The following BIN1 variants were observed in gnomAD, a reference collection of about 807,000 sequenced individuals.
BIN1 encodes bridging integrator 1, also known as myc box-dependent-interacting protein 1.
In BIN1, 53 loss-of-function variants were observed where a neutral mutation model predicts 82.0. The observed-to-expected ratio is 0.65, with a 90% CI of 0.52 to 0.81. The LOEUF is 0.81. Among genes scored for constraint, BIN1 ranks in the 40% least tolerant of loss-of-function variants. The pLI is 0.00. For synonymous variants in BIN1, 302 were observed against 328.0 expected, an observed-to-expected ratio of 0.92 and a Z score of 0.86; for missense variants, 642 against 784.4, an observed-to-expected ratio of 0.82 and a Z score of 2.17.
At chr2:127,062,407 C>T (rs1257113823) in intron 9 of BIN1, among the ~76,000 whole-genome samples, 3 of 152,236 alleles carry the variant, frequency 2.0e-5, no homozygotes, top group African/African-American at 7.2e-5. Context: ...ATCACTAATG[C>T]CTGCTGTCTC....
chr2:127,079,369 T>G (rs1335396303), intron 1 of BIN1, among the ~76,000 whole-genome samples: 3 of 152,196 alleles, frequency 2.0e-5, no homozygotes, highest in Admixed American at 2.0e-4. Context: ...ACCTGGCCCA[T>G]GATATTCAAG....
intron 1 of BIN1, among the ~76,000 whole-genome samples, chr2:127,098,852 A>T (rs1194014820): frequency 6.6e-6 from 1 of 152,228 alleles, no homozygotes; most frequent in Non-Finnish European, 1.5e-5. Flanking sequence ...ATCTGGCCTA[A>T]AATCAGGCAG....
intron 1 of BIN1, among the ~76,000 whole-genome samples, chr2:127,102,318 G>A (rs1480850518): frequency 6.6e-6 from 1 of 152,204 alleles, no homozygotes; most frequent in Non-Finnish European, 1.5e-5. Context: ...TCAGATGCCA[G>A]TGAGAAGGGA....
Position 127,078,377 on chromosome 2 carries a change from T to C in BIN1, c.85-1671A>G, listed in dbSNP as rs147255528. ...CTGGGGGTAGAGATCTCTTCTAGCC[T>C]GGGCAGTCAGTGAGACTTCCTGGAG... On this transcript the variant is annotated intron_variant, in intron 1 of 18. Transcript: ENST00000316724. Among the ~76,000 whole-genome samples, 930 of 152,308 alleles carry C rather than the reference T, an allele frequency of 6.1e-3. 7 individuals are homozygous for C. Among genetic ancestry groups the C allele is most frequent in the South Asian group, 0.026 (126 of 4,820 alleles).
At position 127,068,429 on chromosome 2, in the gene BIN1, AG is replaced by A. The variant is rs1312447715; in HGVS notation, c.520-175del. ...TAGGGGGAGCCCGGGGGGTAAGGAA[AG>A]GGGGTGAACTCCAACTGCAGAGGCA... On this transcript the variant is annotated intron_variant, in intron 6 of 18. Coordinates refer to ENST00000316724, the MANE Select transcript of BIN1 (RefSeq NM_139343.3). The surrounding 1 kb of genome is among the most constrained non-coding windows in gnomAD (Gnocchi z 4.9). Among the ~76,000 whole-genome samples, 2 of 151,234 alleles carry A rather than the reference AG, an allele frequency of 1.3e-5. No individual in the cohort carries two copies. The highest frequency in any genetic ancestry group is 2.9e-5 in the Non-Finnish European group (2 of 67,830).
chr2:127,069,180 G>A, intron 5 of BIN1, 149 bp from the exon 6 acceptor site: 1 of 713,344 alleles, frequency 1.4e-6, no homozygotes, highest in South Asian at 1.8e-5. Flanking sequence ...CCCTCCTCGT[G>A]GCAGAGAGCT....
intron 1 of BIN1, among the ~76,000 whole-genome samples, chr2:127,089,161 C>T (rs567600889): frequency 8.9e-4 from 136 of 152,264 alleles, no homozygotes; most frequent in Non-Finnish European, 1.8e-3. Context: ...CCCAGGGTCA[C>T]GCAGCCAGGC....
Position 127,082,133 on chromosome 2 carries a change from C to T in BIN1, c.85-5427G>A, listed in dbSNP as rs1195426204. ...GAGGGCCCCTAGAACAGGACAAAGG[C>T]GAGCCTTCTCCCCACCCCCGCCCCC... On this transcript the variant is annotated intron_variant, in intron 1 of 18. Transcript: ENST00000316724. This position sits in a 1 kb window ranked among gnomAD's most constrained non-coding sequence, Gnocchi z 6.1. Among the ~76,000 whole-genome samples the T allele has an allele frequency of 1.3e-5, 2 of 152,142 alleles. No individual in the cohort carries two copies. Among genetic ancestry groups the T allele is most frequent in the Admixed American group, 6.5e-5 (1 of 15,284 alleles).
chr2:127,053,309 G>A (rs1391523837), intron 14 of BIN1, 113 bp downstream of exon 14: 3 of 1,441,148 alleles, frequency 2.1e-6, no homozygotes, highest in Non-Finnish European at 2.9e-6. Flanking sequence ...TCCTGCGTGT[G>A]GGGGGTGTGT....
At chr2:127,092,151 C>T (rs1267030354) in intron 1 of BIN1, among the ~76,000 whole-genome samples, 1 of 152,172 alleles carries the variant, frequency 6.6e-6, no homozygotes, top group Non-Finnish European at 1.5e-5. Flanking sequence ...GCCCCAGGCC[C>T]TGGCAGGTGG....
chr2:127,058,487 A>C (rs1335580733), intron 11 of BIN1, among the ~76,000 whole-genome samples: 2 of 152,104 alleles, frequency 1.3e-5, no homozygotes, highest in Non-Finnish European at 2.9e-5. Context: ...GGCGGGGTGG[A>C]GACAAGGACA....
In BIN1 at chr2:127,082,325, C is replaced by T. The variant is rs779507204; in HGVS notation, c.85-5619G>A. The stretch of plus-strand genomic sequence containing the variant: ...CCTCGGGGATCTTTCCGCCCTCATG[C>T]TCCAGGGGCCCCTGCAGGGGAGACA... On this transcript the variant is annotated intron_variant, in intron 1 of 18. Coordinates refer to ENST00000316724, the MANE Select transcript of BIN1 (RefSeq NM_139343.3). The surrounding 1 kb of genome is among the most constrained non-coding windows in gnomAD (Gnocchi z 6.1). 3.8e-4 allele frequency among the ~76,000 whole-genome samples: 58 copies of T among 152,208 alleles called. No homozygotes were observed. Among genetic ancestry groups the T allele is most frequent in the Non-Finnish European group, 6.9e-4 (47 of 68,016 alleles).
intron 16 of BIN1, 62 bp downstream of exon 16, chr2:127,051,092 G>C: frequency 6.3e-7 from 1 of 1,597,484 alleles, no homozygotes; most frequent in Non-Finnish European, 8.6e-7. Context: ...CCACAGGGGA[G>C]CCCCGGACAG....
At chr2:127,094,627 G>A (rs1679356510) in intron 1 of BIN1, among the ~76,000 whole-genome samples, 1 of 152,232 alleles carries the variant, frequency 6.6e-6, no homozygotes, top group Non-Finnish European at 1.5e-5. Context: ...CAGACTATGG[G>A]GAAGGCCTCC....
At chr2:127,084,044 T>C (rs1677810023) in intron 1 of BIN1, among the ~76,000 whole-genome samples, 1 of 152,212 alleles carries the variant, frequency 6.6e-6, no homozygotes, top group Non-Finnish European at 1.5e-5. Flanking sequence ...CAAAAAGTTG[T>C]TGAAATTTTT....
intron 1 of BIN1, among the ~76,000 whole-genome samples, chr2:127,091,942 C>T (rs1678985930): frequency 6.6e-6 from 1 of 151,056 alleles, no homozygotes; most frequent in Non-Finnish European, 1.5e-5. Context: ...GGGAATGGAA[C>T]GGAGAGCCAG....
intron 15 of BIN1, among the ~76,000 whole-genome samples, chr2:127,051,652 A>AG (rs113764987): frequency 5.9e-5 from 9 of 152,320 alleles, no homozygotes; most frequent in Middle Eastern, 3.4e-3. Flanking sequence ...AGTCCATGGC[A>AG]GGGGACAGCA....
In BIN1 at chr2:127,057,768, C is replaced by T. The variant is rs1364702059; in HGVS notation, c.1003-167G>A. ...ATGAAGAGTCACTGCCCTCCCAGCC[C>T]CCCAACATAGACACCAAGACCCCAG... On this transcript the variant is annotated intron_variant, in intron 11 of 18. Transcript: ENST00000316724. This position sits in a 1 kb window ranked among gnomAD's most constrained non-coding sequence, Gnocchi z 5.0. 6.6e-6 allele frequency among the ~76,000 whole-genome samples: 1 copy of T among 151,902 alleles called. No homozygotes were observed. The highest frequency in any genetic ancestry group is 2.4e-5 in the African/African-American group (1 of 41,406).
At chr2:127,052,196 C>G in intron 15 of BIN1, 59 bp downstream of exon 15, 1 of 1,509,768 alleles carries the variant, frequency 6.6e-7, no homozygotes, top group South Asian at 1.2e-5. Flanking sequence ...GCTCTCCTTC[C>G]ATGCTGCACC....
Sources: allele counts gnomAD v4.1 joint callset (sites outside exome capture counted in the v4.1 genomes callset), GRCh38; gene constraint gnomAD v4.1.1; non-coding constraint Gnocchi (gnomAD v3.1); transcripts MANE v1.5; gene names NCBI Gene and HGNC (gene_info 2026-07-23, HGNC 2026-07-21).